DGKH: variants seen among roughly 807,000 people sequenced by gnomAD.
The protein encoded by DGKH is DAG kinase eta.
In DGKH, 90 loss-of-function variants were observed where a neutral mutation model predicts 159.3. The ratio of observed to expected loss-of-function variants is 0.57; its 90% CI spans 0.48 to 0.67. The LOEUF is 0.67. DGKH is among the 30% of genes least tolerant of loss of function. DGKH has a pLI of 0.00. For missense variants in DGKH, 1,181 were observed against 1,506.1 expected (o/e 0.78, Z 3.57); for synonymous variants, 536 against 553.8 (o/e 0.97, Z 0.45).
intron 3 of DGKH, among the ~76,000 whole-genome samples, chr13:42,151,519 A>AAG (rs1566134493): frequency 2.7e-4 from 30 of 112,408 alleles, no homozygotes; most frequent in African/African-American, 8.3e-4. Flanking sequence ...ACACATGTAT[A>AAG]TATATACACG....
rs1322414653 is a variant in DGKH at position 42,053,568 on chromosome 13, CTATATATGTATATATATAACTA to C, written c.192+4631_192+4652del. 4.5e-4 allele frequency among the ~76,000 whole-genome samples: 23 copies of C among 50,634 alleles called. No individual in the cohort carries two copies. In the East Asian group the frequency reaches 4.6e-3, roughly 10 times the overall value. The allele number at this position is 50,634 out of a possible 152,430, so 33.2% of individuals were successfully genotyped here. ...TATAACTATATATGTATATATATAA[CTATATATGTATATATATAACTA>C]TATATATGTATATATATAACTATAT... is the stretch of plus-strand genomic sequence containing the variant. On this transcript the variant is annotated intron_variant, in intron 1 of 29. Transcript: ENST00000337343.
Position 42,233,297 on chromosome 13 carries a change from T to C in DGKH, c.*4109T>C, listed in dbSNP as rs543585608. The C allele has an allele frequency of 6.6e-6, 1 of 152,324 alleles. No individual in the cohort carries two copies. The highest frequency in any genetic ancestry group is 1.5e-5 in the Non-Finnish European group (1 of 68,052). The allele number at this position is 152,324 out of a possible 1,614,324, so 9.4% of individuals were successfully genotyped here. A position where few individuals can be genotyped will look rare whatever the true frequency, so the allele number is the denominator to read the frequency against. On this transcript the variant is annotated 3_prime_UTR_variant, in exon 30 of 30. Transcript: ENST00000337343. ...TCATTGCTACTCAAAATGTGATCCA[T>C]GGGCCAGCAGCATCAATATTACCTG...
In DGKH at chr13:42,155,638, G is replaced by A. The variant is rs200423019; in HGVS notation, c.490-29G>A. ...ATCTGTAGCCTTGTTCACTGGCTTGGCAAATCTGTCCTCACATCTCATTTC... is the reference window on the plus strand; with the variant it reads ...ATCTGTAGCCTTGTTCACTGGCTTGACAAATCTGTCCTCACATCTCATTTC... On this transcript the variant is annotated intron_variant, in intron 4 of 29. Coordinates refer to ENST00000337343, the MANE Select transcript of DGKH (RefSeq NM_178009.5). 1,028 of 1,613,816 alleles carry A rather than the reference G, an allele frequency of 6.4e-4. 5 individuals carry two copies. The highest frequency in any genetic ancestry group is 2.4e-3 in the South Asian group (220 of 91,032).
chr13:42,192,737 A>G (rs1029988226), intron 16 of DGKH, among the ~76,000 whole-genome samples: 1 of 151,910 alleles, frequency 6.6e-6, no homozygotes, highest in Non-Finnish European at 1.5e-5. Context: ...CTCACCTTAC[A>G]TCTTCTTTTC....
At chr13:42,041,453 C>T (rs892490401) in intron 1 of DGKH, among the ~76,000 whole-genome samples, 1 of 152,184 alleles carries the variant, frequency 6.6e-6, no homozygotes, top group Admixed American at 6.5e-5. Context: ...ACGGGTTTTG[C>T]CGGGGACGAA....
intron 26 of DGKH, 84 bp downstream of exon 26, chr13:42,215,751 G>C: frequency 2.4e-6 from 3 of 1,265,438 alleles, no homozygotes; most frequent in Non-Finnish European, 3.3e-6. Context: ...GCATTTGGCA[G>C]ATTCTAAGGC....
intron 1 of DGKH, among the ~76,000 whole-genome samples, chr13:42,058,643 T>A (rs941713356): frequency 6.6e-6 from 1 of 152,222 alleles, no homozygotes; most frequent in African/African-American, 2.4e-5. Context: ...TGCCCACTGA[T>A]AACTGTGTTT....
intron 1 of DGKH, among the ~76,000 whole-genome samples, chr13:42,074,838 A>G (rs1408024826): frequency 6.6e-6 from 1 of 152,198 alleles, no homozygotes; most frequent in Non-Finnish European, 1.5e-5. Context: ...GCTTCTAATA[A>G]ATGCATAATT....
At chr13:42,250,754 C>T (rs1027081127) in intron 29 of DGKH, among the ~76,000 whole-genome samples, 30 of 152,158 alleles carry the variant, frequency 2.0e-4, no homozygotes, top group Admixed American at 2.6e-4. Context: ...GAATATTAAG[C>T]ATCTCATGGC....
At chr13:42,041,994 T>A (rs1482690600) in intron 1 of DGKH, among the ~76,000 whole-genome samples, 3 of 152,190 alleles carry the variant, frequency 2.0e-5, no homozygotes, top group Non-Finnish European at 4.4e-5. Flanking sequence ...TCTCAGCTCC[T>A]TTGCCCAGAG....
At chr13:42,058,186 G>T (rs1205546812) in intron 1 of DGKH, among the ~76,000 whole-genome samples, 1 of 152,114 alleles carries the variant, frequency 6.6e-6, no homozygotes, top group Non-Finnish European at 1.5e-5. Context: ...ACATATATAT[G>T]TAGTAAGTCC....
chr13:42,200,603 A>G (rs1019643559), intron 20 of DGKH, among the ~76,000 whole-genome samples: 4 of 152,230 alleles, frequency 2.6e-5, no homozygotes, highest in Non-Finnish European at 5.9e-5. Flanking sequence ...TAATTAAAGC[A>G]TATCATACAT....
At chr13:42,195,562 G>A (rs557598228) in intron 17 of DGKH, among the ~76,000 whole-genome samples, 1 of 152,306 alleles carries the variant, frequency 6.6e-6, no homozygotes, top group South Asian at 2.1e-4. Context: ...TGAGTCGGTA[G>A]TTCTGGAGTG....
chr13:42,128,844 C>G (rs1955226451), intron 2 of DGKH, among the ~76,000 whole-genome samples: 1 of 152,138 alleles, frequency 6.6e-6, no homozygotes, highest in Non-Finnish European at 1.5e-5. Context: ...GTTCTACAGT[C>G]TACTTCAGTT....
At chr13:42,256,232 A>G (rs1958656445) in intron 30 of DGKH, 4 of 1,496,840 alleles carry the variant, frequency 2.7e-6, no homozygotes, top group Non-Finnish European at 3.7e-6. Context: ...TTTCAAGCCA[A>G]TGATGATTAA....
upstream of DGKH, among the ~76,000 whole-genome samples, chr13:42,046,573 A>G (rs1188180569): frequency 2.6e-5 from 4 of 152,232 alleles, no homozygotes; most frequent in Non-Finnish European, 5.9e-5. Flanking sequence ...CTGGGATATG[A>G]AACTTTTTAA....
intron 5 of DGKH, 103 bp from the exon 6 acceptor site, chr13:42,159,163 C>T: frequency 1.6e-6 from 1 of 623,002 alleles, no homozygotes; most frequent in Non-Finnish European, 2.7e-6. Flanking sequence ...CTTCTACTTC[C>T]TCCTTCCCTT....
chr13:42,116,010 T>C (rs1954961448), intron 1 of DGKH, among the ~76,000 whole-genome samples: 1 of 152,226 alleles, frequency 6.6e-6, no homozygotes, highest in Non-Finnish European at 1.5e-5. Flanking sequence ...ATGAGGACTG[T>C]TATGATGATA....
At chr13:42,186,862 T>C (rs1017185566) in intron 13 of DGKH, among the ~76,000 whole-genome samples, 187 bp from the exon 14 acceptor site, 9 of 152,236 alleles carry the variant, frequency 5.9e-5, no homozygotes, top group African/African-American at 2.2e-4. Flanking sequence ...CATGTATGCA[T>C]TTATCACTTA....
Sources: allele counts gnomAD v4.1 joint callset (sites outside exome capture counted in the v4.1 genomes callset), GRCh38; gene constraint gnomAD v4.1.1; transcripts MANE v1.5; gene names NCBI Gene and HGNC (gene_info 2026-07-23, HGNC 2026-07-21).